The following ARL15 variants were observed in gnomAD, a reference collection of about 807,000 sequenced individuals.
The protein encoded by ARL15 is ADP-ribosylation factor-like protein 15.
A neutral mutation model predicts 25.2 loss-of-function variants in ARL15; 19 were observed. That is an observed-to-expected ratio of 0.75 (90% CI 0.53 to 1.10). The LOEUF (loss-of-function observed/expected upper bound fraction) is 1.10. Ranked by LOEUF, ARL15 falls within the 50% of genes least tolerant of loss-of-function variation. The pLI, the probability that ARL15 is intolerant of heterozygous loss-of-function variation, is 0.00. For missense variants in ARL15, 220 were observed against 246.0 expected, an observed-to-expected ratio of 0.89 and a Z score of 0.71; for synonymous variants, 94 against 86.8, an observed-to-expected ratio of 1.08 and a Z score of -0.46.
intron 1 of ARL15, among the ~76,000 whole-genome samples, chr5:54,189,876 A>C (rs1755345876): frequency 6.6e-6 from 1 of 152,318 alleles, no homozygotes; most frequent in South Asian, 2.1e-4. Context: ...TAGTGTAAAA[A>C]GTTAGTCCAT....
At position 53,922,788 on chromosome 5, in the gene ARL15, T is replaced by G. The variant is rs138545338; in HGVS notation, c.463-36075A>C. 2.8e-3 allele frequency among the ~76,000 whole-genome samples: 419 copies of G among 152,320 alleles called. 1 individual carries two copies. Among genetic ancestry groups the G allele is most frequent in the African/African-American group, 9.6e-3 (400 of 41,570 alleles). On this transcript the variant is annotated intron_variant, in intron 4 of 4. Transcript: ENST00000504924. ...TAGGAAAAGGACAGCCACTTTTCCA[T>G]CTGTGCTGACAACTGAGCTGTGTAG...
At chr5:54,035,645 T>A (rs1404175063) in intron 4 of ARL15, among the ~76,000 whole-genome samples, 1 of 152,190 alleles carries the variant, frequency 6.6e-6, no homozygotes, top group Non-Finnish European at 1.5e-5. Context: ...AGCAAATCTT[T>A]AAGAAATATC....
At chr5:54,105,750 T>G (rs1181313455) in intron 4 of ARL15, among the ~76,000 whole-genome samples, 7 of 152,070 alleles carry the variant, frequency 4.6e-5, no homozygotes, top group African/African-American at 7.2e-5. Flanking sequence ...GCCCAGCTAA[T>G]TTTTCTGCTT....
At chr5:54,039,883 AC>A (rs1356028022) in intron 4 of ARL15, among the ~76,000 whole-genome samples, 1 of 151,898 alleles carries the variant, frequency 6.6e-6, no homozygotes, top group Non-Finnish European at 1.5e-5. Context: ...ATTTTGAAAA[AC>A]GTATTTATTT....
intron 4 of ARL15, among the ~76,000 whole-genome samples, chr5:53,937,294 T>TAC (rs10647066): frequency 0.14 from 20,804 of 149,550 alleles, 1,573 homozygotes; most frequent in African/African-American, 0.21. Context: ...CGCCTGCGCA[T>TAC]ACACACACAC....
At chr5:54,149,440 A>G (rs1055753932) in intron 3 of ARL15, among the ~76,000 whole-genome samples, 1 of 152,152 alleles carries the variant, frequency 6.6e-6, no homozygotes, top group Admixed American at 6.6e-5. Flanking sequence ...CTGACCTTGG[A>G]AAAAAGGCTT....
chr5:54,166,040 A>G (rs533096727), intron 2 of ARL15, among the ~76,000 whole-genome samples: 2 of 152,306 alleles, frequency 1.3e-5, no homozygotes, highest in South Asian at 4.1e-4. Context: ...ACCCTTATAG[A>G]AATATCCAGA....
chr5:54,096,573 G>A (rs1752293586), intron 4 of ARL15, among the ~76,000 whole-genome samples: 1 of 152,056 alleles, frequency 6.6e-6, no homozygotes, highest in South Asian at 2.1e-4. Flanking sequence ...ACCACACCCA[G>A]CTAATTTTTG....
intron 4 of ARL15, among the ~76,000 whole-genome samples, chr5:54,074,175 G>A (rs1411022213): frequency 6.6e-6 from 1 of 152,186 alleles, no homozygotes. Context: ...TGTGGGTGGT[G>A]GGAAATCCTG....
intron 1 of ARL15, among the ~76,000 whole-genome samples, chr5:54,249,672 C>T (rs200345466): frequency 1.4e-5 from 1 of 72,658 alleles, no homozygotes; most frequent in Non-Finnish European, 3.2e-5. Flanking sequence ...TGGTTAAGAG[C>T]AAAAAAAAAA....
At chr5:53,891,655 C>T (rs1744712428) in intron 4 of ARL15, among the ~76,000 whole-genome samples, 1 of 152,178 alleles carries the variant, frequency 6.6e-6, no homozygotes, top group Admixed American at 6.5e-5. Flanking sequence ...CCCATTCTCC[C>T]CCAGATCACC....
At chr5:54,054,834 T>C (rs995951015) in intron 4 of ARL15, among the ~76,000 whole-genome samples, 5 of 151,996 alleles carry the variant, frequency 3.3e-5, no homozygotes, top group African/African-American at 1.2e-4. Flanking sequence ...AAGGTGTTAA[T>C]CTGAAGCAGA....
At chr5:53,985,536 T>A (rs1664784) in intron 4 of ARL15, among the ~76,000 whole-genome samples, 54,987 of 152,068 alleles carry the variant, frequency 0.36, 10,730 homozygotes, top group Middle Eastern at 0.46. Context: ...TACTCTGCAT[T>A]CTTGATTTAA....
At chr5:54,134,069 A>T (rs1753520527) in intron 3 of ARL15, among the ~76,000 whole-genome samples, 1 of 152,208 alleles carries the variant, frequency 6.6e-6, no homozygotes, top group South Asian at 2.1e-4. Flanking sequence ...TGTAACTGCA[A>T]AACTGCTCTG....
intron 4 of ARL15, among the ~76,000 whole-genome samples, chr5:53,909,660 C>G (rs1240521195): frequency 6.6e-6 from 1 of 152,188 alleles, no homozygotes; most frequent in African/African-American, 2.4e-5. Context: ...GAGCCAAAAT[C>G]ACGCCATTGC....
intron 1 of ARL15, among the ~76,000 whole-genome samples, chr5:54,230,879 G>T (rs959213801): frequency 6.6e-6 from 1 of 152,016 alleles, no homozygotes; most frequent in Non-Finnish European, 1.5e-5. Context: ...ATAACAGCTT[G>T]GTAGGTAAGC....
In ARL15 at chr5:53,888,972, A is replaced by G. The variant is rs138205266; in HGVS notation, c.463-2259T>C. On this transcript the variant is annotated intron_variant, in intron 4 of 4. Coordinates refer to ENST00000504924, the MANE Select transcript of ARL15 (RefSeq NM_019087.3). ...TACAATGCAATCTAGTATTTGATCA[A>G]TAATGCTTCCCATCAGATGAAGTAT... Among the ~76,000 whole-genome samples, 9 of 152,312 alleles carry G rather than the reference A, an allele frequency of 5.9e-5. No homozygotes were observed. The East Asian group carries it at 1.7e-3, about 29-fold the overall frequency.
intron 4 of ARL15, among the ~76,000 whole-genome samples, chr5:53,947,216 G>GTGTGTGTGTC (rs1360381158): frequency 3.0e-4 from 40 of 134,814 alleles, no homozygotes; most frequent in Non-Finnish European, 4.8e-4. Flanking sequence ...GTGTGTGTGT[G>GTGTGTGTGTC]TGTGTTGAGG....
chr5:54,267,250 C>T (rs978515231), intron 1 of ARL15, among the ~76,000 whole-genome samples: 2 of 152,166 alleles, frequency 1.3e-5, no homozygotes, highest in Non-Finnish European at 2.9e-5. Flanking sequence ...TGCCACCACA[C>T]CCAGCTAATT....
Sources: gnomAD v4.1 joint callset for allele counts (sites outside exome capture counted in the v4.1 genomes callset) on GRCh38, gnomAD v4.1.1 for gene constraint, MANE v1.5 for transcripts, NCBI Gene and HGNC (gene_info 2026-07-23, HGNC 2026-07-21) for gene names.